N4BP2L2: variants seen among roughly 807,000 people sequenced by gnomAD.
N4BP2L2 encodes NEDD4 binding protein 2 like 2.
A neutral mutation model predicts 56.2 loss-of-function variants in N4BP2L2; 50 were observed. The observed-to-expected ratio is 0.89, with a 90% CI of 0.71 to 1.13. The LOEUF (loss-of-function observed/expected upper bound fraction) is 1.13, where lower values mean the gene tolerates loss of function less well. Among genes scored for constraint, N4BP2L2 ranks in the 50% most tolerant of loss-of-function variants. The pLI, the probability that N4BP2L2 is intolerant of heterozygous loss-of-function variation, is 0.00. For synonymous variants in N4BP2L2, 203 were observed against 223.6 expected (o/e 0.91, Z 0.82); for missense variants, 689 against 693.8 (o/e 0.99, Z 0.08).
intron 6 of N4BP2L2, among the ~76,000 whole-genome samples, chr13:32,467,691 A>G (rs934582846): frequency 2.6e-5 from 4 of 151,780 alleles, no homozygotes; most frequent in African/African-American, 9.7e-5. Context: ...GCTATAGTAA[A>G]TTGAAAAATA....
intron 6 of N4BP2L2, among the ~76,000 whole-genome samples, chr13:32,493,577 C>T (rs941696002): frequency 2.6e-5 from 4 of 152,144 alleles, no homozygotes; most frequent in South Asian, 2.1e-4. Flanking sequence ...TGAGTCCCCC[C>T]GCCCCTCAAG....
intron 8 of N4BP2L2, chr13:32,438,556 G>A (rs1362207053): frequency 2.2e-5 from 20 of 923,424 alleles, no homozygotes; most frequent in African/African-American, 3.3e-5. Context: ...CCAAGATCAC[G>A]CCATTGCACT....
intron 6 of N4BP2L2, among the ~76,000 whole-genome samples, chr13:32,503,210 A>C (rs1273731779): frequency 6.6e-6 from 1 of 150,928 alleles, no homozygotes; most frequent in Non-Finnish European, 1.5e-5. Flanking sequence ...ATATTGCACT[A>C]ATTACTGCCT....
chr13:32,524,823 C>T (rs908019466), intron 3 of N4BP2L2: 6 of 152,266 alleles, frequency 3.9e-5, no homozygotes, highest in African/African-American at 1.4e-4. Flanking sequence ...AGTGCAGTAG[C>T]ATGATCTCAG....
chr13:32,535,962 T>C (rs1337307711), exon 2 of N4BP2L2: 12 of 1,613,950 alleles, frequency 7.4e-6, no homozygotes, highest in Non-Finnish European at 1.0e-5. Context: ...CGATCTTGCA[T>C]ACTGCAGCCA....
At chr13:32,464,085 G>T (rs973307905) in intron 6 of N4BP2L2, among the ~76,000 whole-genome samples, 1 of 152,176 alleles carries the variant, frequency 6.6e-6, no homozygotes, top group Non-Finnish European at 1.5e-5. Flanking sequence ...TATATGCTTT[G>T]TAAGTCTTTT....
At chr13:32,532,590 CTTTT>C (rs759146834) in intron 2 of N4BP2L2, among the ~76,000 whole-genome samples, 2 of 128,394 alleles carry the variant, frequency 1.6e-5, no homozygotes, top group Non-Finnish European at 3.3e-5. Flanking sequence ...TTTCTTTTTT[CTTTT>C]TTTTTTTTTT....
At chr13:32,466,731 A>G (rs1355422912) in intron 6 of N4BP2L2, among the ~76,000 whole-genome samples, 4 of 151,938 alleles carry the variant, frequency 2.6e-5, no homozygotes, top group African/African-American at 9.7e-5. Flanking sequence ...GCCTGTGACT[A>G]GCAAGGGTCT....
exon 6 of N4BP2L2, chr13:32,515,191 T>A (rs951762925): frequency 6.6e-6 from 1 of 150,632 alleles, no homozygotes; most frequent in African/African-American, 2.4e-5. Flanking sequence ...ATGCCTGTAA[T>A]CTCAGCACTT....
chr13:32,476,248 T>TA (rs2083299222), intron 6 of N4BP2L2, among the ~76,000 whole-genome samples: 1 of 152,148 alleles, frequency 6.6e-6, no homozygotes, highest in Non-Finnish European at 1.5e-5. Context: ...TTTGTAAACT[T>TA]AGGGCTTTTT....
chr13:32,520,069 C>A (rs961788094), intron 5 of N4BP2L2, among the ~76,000 whole-genome samples: 4 of 152,134 alleles, frequency 2.6e-5, no homozygotes, highest in Middle Eastern at 3.4e-3. Context: ...CATGACCACA[C>A]AGCATACAAA....
exon 3 of N4BP2L2, chr13:32,527,486 C>G: frequency 6.2e-7 from 1 of 1,613,790 alleles, no homozygotes; most frequent in Non-Finnish European, 8.5e-7. Flanking sequence ...TGAAAATAGT[C>G]ATCAGTGCTG....
chr13:32,482,598 T>G (rs1268474333), intron 6 of N4BP2L2, among the ~76,000 whole-genome samples: 1 of 151,834 alleles, frequency 6.6e-6, no homozygotes, highest in African/African-American at 2.4e-5. Flanking sequence ...ACTTCTAACC[T>G]CAAGTGATCC....
chr13:32,538,773 C>G, exon 1 of N4BP2L2: 1 of 985,446 alleles, frequency 1.0e-6, no homozygotes, highest in Non-Finnish European at 1.2e-6. Context: ...GGTAACAAAC[C>G]TCACCTCCGT....
chr13:32,516,212 C>T (rs1327303996), exon 6 of N4BP2L2: 2 of 152,030 alleles, frequency 1.3e-5, no homozygotes, highest in Non-Finnish European at 2.9e-5. Flanking sequence ...AGTCCAAACA[C>T]CAACAAGTAT....
intron 6 of N4BP2L2, among the ~76,000 whole-genome samples, chr13:32,498,696 G>A (rs1381921456): frequency 1.3e-5 from 2 of 151,662 alleles, no homozygotes; most frequent in Admixed American, 6.6e-5. Flanking sequence ...TGATGGACTG[G>A]AATTTTTTTA....
At chr13:32,492,485 A>G (rs919096634) in intron 6 of N4BP2L2, among the ~76,000 whole-genome samples, 1 of 152,032 alleles carries the variant, frequency 6.6e-6, no homozygotes, top group African/African-American at 2.4e-5. Flanking sequence ...CTTTAGGCCT[A>G]GCATCTGTTT....
chr13:32,532,547 C>A (rs766849499), intron 2 of N4BP2L2, among the ~76,000 whole-genome samples: 1 of 145,142 alleles, frequency 6.9e-6, no homozygotes. Context: ...ATATTAAATT[C>A]TTTTATATGT....
intron 3 of N4BP2L2, 113 bp downstream of exon 3, chr13:32,527,295 A>T: frequency 8.7e-7 from 1 of 1,150,676 alleles, no homozygotes; most frequent in Non-Finnish European, 1.2e-6. Flanking sequence ...AAAGCTATTT[A>T]AACGGCTTGC....
Sources: gnomAD v4.1 joint callset for allele counts (sites outside exome capture counted in the v4.1 genomes callset) on GRCh38, gnomAD v4.1.1 for gene constraint, MANE v1.5 for transcripts, NCBI Gene and HGNC (gene_info 2026-07-23, HGNC 2026-07-21) for gene names.